MKLN1: variants seen among roughly 807,000 people sequenced by gnomAD.
MKLN1 encodes muskelin.
A neutral mutation model predicts 99.0 loss-of-function variants in MKLN1; 18 were observed. The ratio of observed to expected loss-of-function variants is 0.18; its 90% CI spans 0.13 to 0.27. The LOEUF is 0.27. MKLN1 is among the 10% of genes least tolerant of loss of function. The pLI is 1.00. For synonymous variants in MKLN1, 288 were observed against 293.2 expected (o/e 0.98, Z 0.18); for missense variants, 621 against 875.9 (o/e 0.71, Z 3.67).
intron 3 of MKLN1, among the ~76,000 whole-genome samples, chr7:131,233,967 C>T (rs926190915): frequency 6.6e-6 from 1 of 151,910 alleles, no homozygotes; most frequent in Non-Finnish European, 1.5e-5. Flanking sequence ...ATTTTTCTTT[C>T]CTTTTCTTTT....
chr7:131,300,888 G>A (rs551428468), intron 3 of MKLN1, among the ~76,000 whole-genome samples: 1 of 152,128 alleles, frequency 6.6e-6, no homozygotes, highest in Non-Finnish European at 1.5e-5. Context: ...CTTACAAGGT[G>A]GATGTTTATG....
At chr7:131,128,857 C>T (rs984266951) in intron 1 of MKLN1, among the ~76,000 whole-genome samples, 1 of 150,650 alleles carries the variant, frequency 6.6e-6, no homozygotes, top group African/African-American at 2.4e-5. Flanking sequence ...CCTTCAGCCT[C>T]CGGAGTAGCT....
chr7:131,446,232 G>C (rs1363124969), intron 12 of MKLN1, among the ~76,000 whole-genome samples: 2 of 152,028 alleles, frequency 1.3e-5, no homozygotes, highest in African/African-American at 4.8e-5. Context: ...TTTCACTGTA[G>C]TGATCTTTAT....
intron 3 of MKLN1, among the ~76,000 whole-genome samples, chr7:131,283,328 TCCTTC>T (rs1245851181): frequency 5.4e-5 from 1 of 18,550 alleles, no homozygotes; most frequent in Admixed American, 5.4e-4. Flanking sequence ...CCTCCCTCCC[TCCTTC>T]CCTTCCCTTC....
chr7:131,207,106 T>C (rs1796824406), intron 3 of MKLN1, among the ~76,000 whole-genome samples: 2 of 152,190 alleles, frequency 1.3e-5, no homozygotes, highest in Admixed American at 1.3e-4. Flanking sequence ...TTTTAATGTA[T>C]TCACTGAAGA....
intron 3 of MKLN1, among the ~76,000 whole-genome samples, chr7:131,206,617 A>C (rs1204734137): frequency 6.6e-6 from 1 of 151,198 alleles, no homozygotes; most frequent in Admixed American, 6.6e-5. Context: ...GTGCAGTGTC[A>C]AAATCATAGC....
At chr7:131,221,674 A>ATTTTTTTT (rs1162923537) in intron 3 of MKLN1, among the ~76,000 whole-genome samples, 1 of 128,858 alleles carries the variant, frequency 7.8e-6, no homozygotes. Flanking sequence ...CACCCGGCTA[A>ATTTTTTTT]TTTTTTTTTT....
At chr7:131,331,121 T>A (rs1799061221) in intron 1 of MKLN1, among the ~76,000 whole-genome samples, 1 of 152,222 alleles carries the variant, frequency 6.6e-6, no homozygotes, top group Non-Finnish European at 1.5e-5. Flanking sequence ...ACCTAATATA[T>A]GCAAGATGCT....
intron 3 of MKLN1, among the ~76,000 whole-genome samples, chr7:131,214,933 C>A (rs1796957699): frequency 6.6e-6 from 1 of 152,128 alleles, no homozygotes; most frequent in Admixed American, 6.6e-5. Context: ...TATATTTATT[C>A]CTAGACACTA....
At chr7:131,339,559 T>C (rs1208674517) in intron 1 of MKLN1, among the ~76,000 whole-genome samples, 2 of 151,950 alleles carry the variant, frequency 1.3e-5, no homozygotes, top group Non-Finnish European at 2.9e-5. Context: ...ATTAGCAGGA[T>C]GTGTTGGTGC....
intron 2 of MKLN1, among the ~76,000 whole-genome samples, chr7:131,184,356 A>G (rs1796418160): frequency 6.6e-6 from 1 of 152,052 alleles, no homozygotes; most frequent in Admixed American, 6.6e-5. Flanking sequence ...CAGATGCAAA[A>G]TTCTATTCCA....
intron 2 of MKLN1, among the ~76,000 whole-genome samples, chr7:131,385,424 TTGAGGCAC>T (rs1202851255): frequency 6.6e-6 from 1 of 152,176 alleles, no homozygotes; most frequent in African/African-American, 2.4e-5. Context: ...GTTTAACTTT[TTGAGGCAC>T]TGCCAAATGA....
intron 4 of MKLN1, among the ~76,000 whole-genome samples, chr7:131,393,347 T>C (rs550270171): frequency 6.6e-6 from 1 of 152,378 alleles, no homozygotes; most frequent in South Asian, 2.1e-4. Flanking sequence ...GTATTGTTAA[T>C]GCTACCAAAA....
At chr7:131,176,831 C>T (rs940962893) in intron 2 of MKLN1, among the ~76,000 whole-genome samples, 2 of 152,218 alleles carry the variant, frequency 1.3e-5, no homozygotes, top group Non-Finnish European at 2.9e-5. Context: ...GAAAAGCTAA[C>T]CTTCTAGCCT....
intron 1 of MKLN1, among the ~76,000 whole-genome samples, chr7:131,136,611 G>A (rs1429668126): frequency 6.6e-6 from 1 of 152,170 alleles, no homozygotes; most frequent in Non-Finnish European, 1.5e-5. Context: ...ACATGACTGA[G>A]GACAATACAT....
chr7:131,289,456 T>C (rs1351344562), intron 3 of MKLN1, among the ~76,000 whole-genome samples: 1 of 152,002 alleles, frequency 6.6e-6, no homozygotes, highest in African/African-American at 2.4e-5. Flanking sequence ...CGAGACCTCA[T>C]CTCTACAAAA....
chr7:131,281,983 C>T (rs896840200), intron 3 of MKLN1, among the ~76,000 whole-genome samples: 2 of 152,054 alleles, frequency 1.3e-5, no homozygotes, highest in African/African-American at 4.8e-5. Context: ...CATTTCTGAG[C>T]CTGTTTTATC....
At chr7:131,302,782 C>T (rs1191089713) in intron 3 of MKLN1, among the ~76,000 whole-genome samples, 1 of 152,112 alleles carries the variant, frequency 6.6e-6, no homozygotes, top group Non-Finnish European at 1.5e-5. Context: ...AACCATTAGT[C>T]CAGAAAATAA....
chr7:131,414,204 T>C (rs1048729556), intron 7 of MKLN1, among the ~76,000 whole-genome samples: 4 of 152,230 alleles, frequency 2.6e-5, no homozygotes, highest in African/African-American at 9.6e-5. Context: ...TGATAGCATC[T>C]TTGTTTTCAG....
Sources: gnomAD v4.1 joint callset for allele counts (sites outside exome capture counted in the v4.1 genomes callset) on GRCh38, gnomAD v4.1.1 for gene constraint, MANE v1.5 for transcripts, NCBI Gene and HGNC (gene_info 2026-07-23, HGNC 2026-07-21) for gene names.